MEPE: variants seen among roughly 807,000 people sequenced by gnomAD.
The protein encoded by MEPE is matrix extracellular phosphoglycoprotein, also known as matrix, extracellular phosphoglycoprotein with ASARM motif (bone).
In MEPE, 7 loss-of-function variants were observed where a neutral mutation model predicts 7.3. The ratio of observed to expected loss-of-function variants is 0.95; its 90% CI spans 0.54 to 1.79. MEPE has a LOEUF of 1.79. Among genes scored for constraint, MEPE ranks in the 40% most tolerant of loss-of-function variants. The pLI is 0.00. For missense variants in MEPE, 623 were observed against 628.2 expected, an observed-to-expected ratio of 0.99 and a Z score of 0.09; for synonymous variants, 214 against 213.1, an observed-to-expected ratio of 1.00 and a Z score of -0.04.
At position 87,846,375 on chromosome 4, in the gene MEPE, A is replaced by T; in HGVS notation, c.1507A>T (p.Ser503Cys). The change falls in exon 4 of 4, where the codon AGT (serine) becomes TGT (cysteine). Residue 503 changes from serine (S) to cysteine (C), a missense_variant. Physicochemically the swap from Ser to Cys is moderately radical, Grantham distance 112. Coordinates refer to ENST00000361056, the MANE Select transcript of MEPE (RefSeq NM_020203.6). ...ACAACCCCATTCCAACAGGAGGTTT[A>T]GTTCCCGTAGAAGGGATGACAGTAG... Reference protein sequence around the residue: ...GRQPHSNRRFSSRRRDDSSES... With the variant: ...GRQPHSNRRFCSRRRDDSSES... 1.6e-5 allele frequency: 26 copies of T among 1,614,104 alleles called. No individual in the cohort carries two copies. Among genetic ancestry groups the T allele is most frequent in the Non-Finnish European group, 2.2e-5 (26 of 1,179,976 alleles).
intron 3 of MEPE, chr4:87,839,611 T>G: frequency 9.8e-7 from 1 of 1,015,834 alleles, no homozygotes; most frequent in Non-Finnish European, 1.5e-6. Context: ...AAGTTTCTTA[T>G]ATTATTACAA....
At position 87,846,729 on chromosome 4, in the gene MEPE, C is replaced by A. The variant is rs1578066656; in HGVS notation, c.*283C>A. 5.8e-6 allele frequency: 2 copies of A among 346,984 alleles called. No individual in the cohort carries two copies. Among genetic ancestry groups the A allele is most frequent in the East Asian group, 9.9e-5 (2 of 20,166 alleles). The allele number at this position is 346,984 out of a possible 1,614,324, so 21.5% of individuals were successfully genotyped here. ...TCATTTAAAAATAGTTGGTGAATGT[C>A]ACAAATGCCTTCTATGTTGTTTGCT... On this transcript the variant is annotated 3_prime_UTR_variant, in exon 4 of 4. Coordinates refer to ENST00000361056, the MANE Select transcript of MEPE (RefSeq NM_020203.6).
At chr4:87,829,550 A>G (rs144679566), upstream of MEPE, among the ~76,000 whole-genome samples, 305 of 152,308 alleles carry the variant, frequency 2.0e-3, no homozygotes, top group African/African-American at 6.7e-3. Flanking sequence ...AAAAAAATGA[A>G]CATTTCCTAA....
chr4:87,821,676 T>G (rs534186379), intron 1 of MEPE, among the ~76,000 whole-genome samples: 1 of 152,312 alleles, frequency 6.6e-6, no homozygotes, highest in African/African-American at 2.4e-5. Flanking sequence ...TGAATGATAC[T>G]TGTTATTTAT....
intron 2 of MEPE, among the ~76,000 whole-genome samples, chr4:87,835,224 C>T (rs7679721): frequency 0.068 from 10,357 of 152,174 alleles, 1,190 homozygotes; most frequent in African/African-American, 0.24. Context: ...CTTGCAACAC[C>T]CCAATACTGT....
intron 2 of MEPE, among the ~76,000 whole-genome samples, chr4:87,837,009 G>C (rs964388850): frequency 1.3e-5 from 2 of 152,236 alleles, no homozygotes; most frequent in South Asian, 2.1e-4. Context: ...TCCAGCCATG[G>C]AGGTGCTTTC....
In MEPE at chr4:87,845,361, G is replaced by A. The variant is rs201064509; in HGVS notation, c.493G>A (p.Gly165Arg). The stretch of plus-strand genomic sequence containing the variant: ...GCCAGTGACTGCGATTAAACTCCTG[G>A]GGGAAGAAAACAAAGAGAACACACC... ...MGPVTAIKLLGEENKENTPRN... is the reference protein window; with the variant it reads ...MGPVTAIKLLREENKENTPRN... Residue 165 changes from glycine (G) to arginine (R), a missense_variant, in exon 4 of 4, where the codon GGG (glycine) becomes AGG (arginine). Physicochemically the swap from Gly to Arg is moderately radical, Grantham distance 125. Transcript: ENST00000361056. 5.6e-5 allele frequency: 91 copies of A among 1,613,918 alleles called. 2 individuals are homozygous for A. In the South Asian group the frequency reaches 6.8e-4, roughly 12 times the overall value.
In MEPE at chr4:87,834,780, C is replaced by G. The variant is rs771484384; in HGVS notation, c.54+12C>G. ...CCTGGGCAGCACCAGTAAGTATTTA[C>G]AAATTCAATTATATTTCAGATAATC... On this transcript the variant is annotated intron_variant, in intron 2 of 3. Transcript: ENST00000361056. 1.2e-6 allele frequency: 2 copies of G among 1,605,204 alleles called. No individual in the cohort carries two copies. Among genetic ancestry groups the G allele is most frequent in the Non-Finnish European group, 8.5e-7 (1 of 1,175,224 alleles).
chr4:87,828,308 G>C (rs1460727978), upstream of MEPE, among the ~76,000 whole-genome samples: 1 of 152,074 alleles, frequency 6.6e-6, no homozygotes, highest in African/African-American at 2.4e-5. Context: ...GAGTTATTTT[G>C]GCAAGTTAGA....
chr4:87,843,561 T>C (rs945274681), intron 3 of MEPE, among the ~76,000 whole-genome samples: 5 of 152,180 alleles, frequency 3.3e-5, no homozygotes, highest in African/African-American at 1.2e-4. Context: ...GTAGGGATGT[T>C]GTATATTCCA....
intron 1 of MEPE, among the ~76,000 whole-genome samples, chr4:87,826,442 T>C (rs1722473527): frequency 6.6e-6 from 1 of 151,842 alleles, no homozygotes; most frequent in Non-Finnish European, 1.5e-5. Flanking sequence ...GGTTTCAACA[T>C]GTTGGCCAGG....
chr4:87,836,734 T>C (rs146991063), intron 2 of MEPE, among the ~76,000 whole-genome samples: 5 of 152,180 alleles, frequency 3.3e-5, no homozygotes, highest in East Asian at 1.9e-4. Context: ...CATTCAAAAA[T>C]TTATTATTTT....
chr4:87,840,010 T>G lies in MEPE; in HGVS notation c.108+1325T>G. 3.3e-6 allele frequency: 5 copies of G among 1,535,480 alleles called. 1 individual carries two copies. The highest frequency in any genetic ancestry group is 2.6e-6 in the Non-Finnish European group (3 of 1,146,762). On this transcript the variant is annotated intron_variant, in intron 3 of 3. Transcript: ENST00000361056. ...CCATGCCTCGGCCCACATCTCGCTC[T>G]GCTTCAGGACCTGTGGCTGCAGGTG... is the stretch of plus-strand genomic sequence containing the variant.
intron 1 of MEPE, among the ~76,000 whole-genome samples, chr4:87,826,639 C>T (rs1375961889): frequency 1.3e-5 from 2 of 152,208 alleles, no homozygotes; most frequent in East Asian, 3.9e-4. Context: ...TATCTGCAGC[C>T]TCACCAACAT....
chr4:87,832,869 C>T (rs995648566), upstream of MEPE: 3 of 152,126 alleles, frequency 2.0e-5, no homozygotes, highest in African/African-American at 7.2e-5. Context: ...TCTGTGGGCG[C>T]TTGTAACAAA....
intron 1 of MEPE, among the ~76,000 whole-genome samples, chr4:87,827,576 G>A (rs893653632): frequency 6.6e-6 from 1 of 152,104 alleles, no homozygotes; most frequent in Non-Finnish European, 1.5e-5. Flanking sequence ...TATTATGAGG[G>A]TAAGAGATAT....
intron 3 of MEPE, among the ~76,000 whole-genome samples, chr4:87,844,657 C>T (rs930889187): frequency 4.6e-5 from 7 of 152,260 alleles, no homozygotes; most frequent in Middle Eastern, 6.8e-3. Flanking sequence ...TCACTATTCC[C>T]ACTATGTAGG....
intron 2 of MEPE, among the ~76,000 whole-genome samples, chr4:87,838,408 G>A (rs562118053): frequency 6.6e-6 from 1 of 152,242 alleles, no homozygotes; most frequent in Admixed American, 6.5e-5. Context: ...TAGTGGAGAC[G>A]GCACTGTCTC....
intron 2 of MEPE, among the ~76,000 whole-genome samples, chr4:87,836,518 C>T (rs1722798585): frequency 1.3e-5 from 2 of 152,016 alleles, no homozygotes; most frequent in South Asian, 2.1e-4. Context: ...CTTTCTTCTT[C>T]CTATAGTCCA....
Sources: gnomAD v4.1 joint callset for allele counts (sites outside exome capture counted in the v4.1 genomes callset) on GRCh38, gnomAD v4.1.1 for gene constraint, MANE v1.5 for transcripts, NCBI Gene and HGNC (gene_info 2026-07-23, HGNC 2026-07-21) for gene names.